MBNL1: variants seen among roughly 807,000 people sequenced by gnomAD.
The protein encoded by MBNL1 is muscleblind-like protein 1.
A neutral mutation model predicts 42.2 loss-of-function variants in MBNL1; 8 were observed. The ratio of observed to expected loss-of-function variants is 0.19; its 90% CI spans 0.11 to 0.34. The LOEUF (loss-of-function observed/expected upper bound fraction) is 0.34, where lower values mean the gene tolerates loss of function less well. Ranked by LOEUF, MBNL1 falls within the 10% of genes least tolerant of loss-of-function variation. MBNL1 has a pLI of 1.00. For synonymous variants in MBNL1, 169 were observed against 173.9 expected, an observed-to-expected ratio of 0.97 and a Z score of 0.22; for missense variants, 309 against 495.3, an observed-to-expected ratio of 0.62 and a Z score of 3.57.
intron 2 of MBNL1, among the ~76,000 whole-genome samples, chr3:152,318,146 TGGTACAAAGGAAAG>T (rs544689786): frequency 5.3e-5 from 8 of 152,156 alleles, no homozygotes; most frequent in Non-Finnish European, 1.0e-4. Flanking sequence ...GACTGTTTAA[TGGTACAAAGGAAAG>T]GGCTGCTAAG....
chr3:152,246,351 T>TTTGTTG (rs555710335), intron 2 of MBNL1, among the ~76,000 whole-genome samples: 3 of 151,550 alleles, frequency 2.0e-5, no homozygotes, highest in Admixed American at 2.0e-4. Flanking sequence ...GCAAGACAGA[T>TTTGTTG]TTGTTGTTGT....
chr3:152,419,978 C>G (rs1035117694), intron 3 of MBNL1, among the ~76,000 whole-genome samples: 7 of 152,154 alleles, frequency 4.6e-5, no homozygotes, highest in Non-Finnish European at 7.3e-5. Context: ...ACGATGTAAA[C>G]CAAGCTGCCA....
At chr3:152,404,449 ATACTT>A (rs1415130807) in intron 2 of MBNL1, among the ~76,000 whole-genome samples, 82 of 152,264 alleles carry the variant, frequency 5.4e-4, no homozygotes, top group Middle Eastern at 3.4e-3. Context: ...CACTTTAGAG[ATACTT>A]TACTTTATTT....
chr3:152,458,265 TG>T (rs1737781465), intron 8 of MBNL1: 3 of 1,355,582 alleles, frequency 2.2e-6, no homozygotes, highest in Non-Finnish European at 3.2e-6. Flanking sequence ...TGTGTAAAAA[TG>T]TCAGCTGAGA....
At chr3:152,437,560 A>G (rs1232781853) in intron 4 of MBNL1, among the ~76,000 whole-genome samples, 1 of 152,186 alleles carries the variant, frequency 6.6e-6, no homozygotes, top group African/African-American at 2.4e-5. Flanking sequence ...AGAACATTCT[A>G]GGGACATTTA....
At chr3:152,283,043 G>A (rs926071459) in intron 1 of MBNL1, among the ~76,000 whole-genome samples, 3 of 152,114 alleles carry the variant, frequency 2.0e-5, no homozygotes, top group Admixed American at 2.0e-4. Flanking sequence ...AGGTCATTTT[G>A]GCATCATGAT....
intron 2 of MBNL1, among the ~76,000 whole-genome samples, chr3:152,407,209 C>CCTTTT (rs1162663752): frequency 3.7e-5 from 2 of 54,378 alleles, no homozygotes; most frequent in Admixed American, 4.8e-4. Flanking sequence ...GAAATATGTT[C>CCTTTT]TTTTTTTTTT....
intron 2 of MBNL1, among the ~76,000 whole-genome samples, chr3:152,361,735 G>C (rs1482199302): frequency 6.6e-6 from 1 of 152,062 alleles, no homozygotes; most frequent in Non-Finnish European, 1.5e-5. Flanking sequence ...GAACAAAATT[G>C]ATCTTGATGT....
At chr3:152,356,954 C>G (rs934681472) in intron 2 of MBNL1, among the ~76,000 whole-genome samples, 1 of 151,572 alleles carries the variant, frequency 6.6e-6, no homozygotes, top group Non-Finnish European at 1.5e-5. Flanking sequence ...CTTATAATAT[C>G]AAATGTGGTG....
intron 4 of MBNL1, among the ~76,000 whole-genome samples, chr3:152,436,895 T>C (rs1003864370): frequency 1.3e-5 from 2 of 152,218 alleles, no homozygotes; most frequent in East Asian, 3.9e-4. Flanking sequence ...TTGATTGTAG[T>C]GCAGCTTCCT....
intron 3 of MBNL1, among the ~76,000 whole-genome samples, chr3:152,422,277 A>AAAAG (rs1230860257): frequency 6.6e-6 from 1 of 151,350 alleles, no homozygotes; most frequent in African/African-American, 2.4e-5. Flanking sequence ...GCAAAAAAAA[A>AAAAG]AAAAAAAAGC....
chr3:152,346,749 T>C (rs892612412), intron 2 of MBNL1, among the ~76,000 whole-genome samples: 2 of 151,986 alleles, frequency 1.3e-5, no homozygotes, highest in African/African-American at 2.4e-5. Flanking sequence ...AACACTAAAA[T>C]AGTGAGGGTT....
At chr3:152,259,910 TAC>T (rs2035986750) in intron 2 of MBNL1, among the ~76,000 whole-genome samples, 1 of 152,228 alleles carries the variant, frequency 6.6e-6, no homozygotes, top group Admixed American at 6.5e-5. Flanking sequence ...ATTCACCAGA[TAC>T]ACACTCTCAT....
intron 2 of MBNL1, among the ~76,000 whole-genome samples, chr3:152,246,189 TTAAG>T (rs2032958405): frequency 6.6e-6 from 1 of 152,200 alleles, no homozygotes; most frequent in African/African-American, 2.4e-5. Flanking sequence ...TCATGAGCTA[TTAAG>T]TGTTATATGT....
intron 4 of MBNL1, among the ~76,000 whole-genome samples, chr3:152,443,228 T>G (rs192091698): frequency 1.5e-5 from 2 of 132,046 alleles, no homozygotes; most frequent in African/African-American, 5.8e-5. Context: ...ACACAGAACC[T>G]AAATAAATTC....
intron 1 of MBNL1, among the ~76,000 whole-genome samples, chr3:152,274,872 G>A (rs2044033320): frequency 6.6e-6 from 1 of 152,088 alleles, no homozygotes; most frequent in Non-Finnish European, 1.5e-5. Context: ...CAGTTTACTA[G>A]TCAATCCATG....
intron 2 of MBNL1, chr3:152,302,510 A>G (rs1184554304): frequency 6.6e-6 from 1 of 152,168 alleles, no homozygotes; most frequent in Non-Finnish European, 1.5e-5. Context: ...GTGTGTATAT[A>G]TTTATAACTG....
At chr3:152,362,905 T>C (rs1408582609) in intron 2 of MBNL1, among the ~76,000 whole-genome samples, 1 of 152,186 alleles carries the variant, frequency 6.6e-6, no homozygotes, top group Non-Finnish European at 1.5e-5. Context: ...TGCTAAGTAC[T>C]CAAAGTTGGG....
chr3:152,322,818 A>G (rs2152434457), intron 2 of MBNL1, among the ~76,000 whole-genome samples: 1 of 152,270 alleles, frequency 6.6e-6, no homozygotes, highest in South Asian at 2.1e-4. Flanking sequence ...CAAGAAGAGC[A>G]ACAGAAAGCA....
Sources: gnomAD v4.1 joint callset for allele counts (sites outside exome capture counted in the v4.1 genomes callset) on GRCh38, gnomAD v4.1.1 for gene constraint, MANE v1.5 for transcripts, NCBI Gene and HGNC (gene_info 2026-07-23, HGNC 2026-07-21) for gene names.